EYS: variants seen among roughly 807,000 people sequenced by gnomAD.
EYS encodes EGF-like photoreceptor maintenance factor.
In EYS, 250 loss-of-function variants were observed where a neutral mutation model predicts 282.1. The ratio of observed to expected loss-of-function variants is 0.89; its 90% CI spans 0.80 to 0.98. The LOEUF (loss-of-function observed/expected upper bound fraction) is 0.98, where lower values mean the gene tolerates loss of function less well. Ranked by LOEUF, EYS falls within the 50% of genes least tolerant of loss-of-function variation. The pLI is 0.00. For synonymous variants in EYS, 1,355 were observed against 1,282.9 expected (o/e 1.06, Z -1.20); for missense variants, 4,016 against 3,709.0 (o/e 1.08, Z -2.15).
At chr6:63,804,662 C>T (rs1001877438) in intron 37 of EYS, among the ~76,000 whole-genome samples, 4 of 152,132 alleles carry the variant, frequency 2.6e-5, no homozygotes, top group Admixed American at 6.5e-5. Flanking sequence ...TGGTTGTGTT[C>T]AGAGATGCAG....
intron 12 of EYS, among the ~76,000 whole-genome samples, chr6:65,106,615 T>C (rs1332383501): frequency 2.6e-5 from 4 of 152,060 alleles, no homozygotes; most frequent in African/African-American, 9.7e-5. Flanking sequence ...TCGATCCTAG[T>C]ATAATCATGA....
chr6:64,647,607 A>T (rs925788476), intron 22 of EYS, among the ~76,000 whole-genome samples: 1 of 152,196 alleles, frequency 6.6e-6, no homozygotes, highest in African/African-American at 2.4e-5. Context: ...ATTATGGCTA[A>T]TATTTTTTAT....
chr6:64,494,406 A>G (rs1341765111), intron 26 of EYS, among the ~76,000 whole-genome samples: 1 of 151,696 alleles, frequency 6.6e-6, no homozygotes, highest in Non-Finnish European at 1.5e-5. Flanking sequence ...TTTTCCAGGC[A>G]AAATGTATTG....
intron 34 of EYS, among the ~76,000 whole-genome samples, chr6:63,992,523 G>A (rs1393348932): frequency 6.6e-6 from 1 of 151,636 alleles, no homozygotes; most frequent in African/African-American, 2.4e-5. Flanking sequence ...AGCAATAAAG[G>A]AATAGAGTTT....
intron 2 of EYS, among the ~76,000 whole-genome samples, chr6:65,599,996 C>T (rs558650366): frequency 8.6e-5 from 13 of 152,006 alleles, no homozygotes; most frequent in Non-Finnish European, 1.9e-4. Context: ...GTGTGAGTCT[C>T]TCAGCTTAGA....
At chr6:64,532,236 A>C (rs1024652457) in intron 26 of EYS, among the ~76,000 whole-genome samples, 7 of 152,204 alleles carry the variant, frequency 4.6e-5, no homozygotes, top group Non-Finnish European at 1.0e-4. Flanking sequence ...TATTTAAAAA[A>C]TTGGGATTTT....
At chr6:64,025,826 C>G (rs933395091) in intron 33 of EYS, among the ~76,000 whole-genome samples, 1 of 152,168 alleles carries the variant, frequency 6.6e-6, no homozygotes, top group Non-Finnish European at 1.5e-5. Flanking sequence ...GTATGGCCCT[C>G]CACTTCATTT....
intron 1 of EYS, among the ~76,000 whole-genome samples, chr6:65,692,200 G>A (rs1173566567): frequency 2.0e-5 from 3 of 150,250 alleles, no homozygotes; most frequent in Non-Finnish European, 4.4e-5. Context: ...TCACTTGTAA[G>A]TAAGAACTAA....
chr6:64,155,608 C>A (rs908257515), intron 31 of EYS, among the ~76,000 whole-genome samples: 1 of 152,024 alleles, frequency 6.6e-6, no homozygotes, highest in Non-Finnish European at 1.5e-5. Context: ...ACTAATATAA[C>A]CCTAGGAAGG....
intron 5 of EYS, among the ~76,000 whole-genome samples, chr6:65,452,257 A>T (rs1054841903): frequency 6.6e-6 from 1 of 151,834 alleles, no homozygotes; most frequent in African/African-American, 2.4e-5. Flanking sequence ...TCATTTTTAT[A>T]GAAAACAATG....
rs1353080432 is a variant in EYS, at chr6:65,707,183, C to CTAA, written c.-497_-496insTTA. On this transcript the variant is annotated 5_prime_UTR_variant, in exon 1 of 43. Transcript: ENST00000503581. ...TGCAACCCTAGGAGGCTTCTGATTA[C>CTAA]GGTTAATGTCTGGACATGCCTAGCG... is the stretch of plus-strand genomic sequence containing the variant. The CTAA allele has an allele frequency of 1.3e-5, 2 of 152,040 alleles. No individual in the cohort carries two copies. The highest frequency in any genetic ancestry group is 2.9e-5 in the Non-Finnish European group (2 of 68,008). 9.4% of individuals were successfully genotyped at this position (152,040 alleles called of 1,614,324 possible). A position where few individuals can be genotyped will look rare whatever the true frequency, so the allele number is the denominator to read the frequency against.
At chr6:64,432,462 G>A (rs969605936) in intron 28 of EYS, among the ~76,000 whole-genome samples, 5 of 151,224 alleles carry the variant, frequency 3.3e-5, no homozygotes, top group African/African-American at 1.2e-4. Context: ...ACTTTAAATG[G>A]AAAAAGGCCC....
intron 36 of EYS, among the ~76,000 whole-genome samples, chr6:63,854,176 T>A (rs758466219): frequency 2.6e-5 from 4 of 152,170 alleles, no homozygotes; most frequent in Non-Finnish European, 5.9e-5. Flanking sequence ...GCAGCACTAT[T>A]CACAATAGCA....
chr6:65,601,676 G>A lies in EYS; in HGVS notation c.-333+38102C>T, dbSNP rs796725260. ...TTCTCCATGAAATAAAAATAGAACT[G>A]CTTGTTAATTTTTCTCGAAACACAG... On this transcript the variant is annotated intron_variant, in intron 2 of 42. Transcript: ENST00000503581. 9.9e-5 allele frequency among the ~76,000 whole-genome samples: 15 copies of A among 151,976 alleles called. No homozygotes were observed. In the East Asian group the frequency reaches 1.7e-3, roughly 18 times the overall value.
At chr6:64,599,797 A>G (rs1766705977) in intron 24 of EYS, among the ~76,000 whole-genome samples, 1 of 152,160 alleles carries the variant, frequency 6.6e-6, no homozygotes, top group African/African-American at 2.4e-5. Flanking sequence ...ACTATACTAT[A>G]CTTTTGATAT....
chr6:64,958,734 CAAAAAAAA>C (rs1167094477), intron 14 of EYS, among the ~76,000 whole-genome samples: 62 of 51,670 alleles, frequency 1.2e-3, no homozygotes, highest in African/African-American at 5.1e-3. Flanking sequence ...GACTCCGTCT[CAAAAAAAA>C]AAAAAAAAAA....
chr6:65,116,459 T>C (rs982868606), intron 12 of EYS, among the ~76,000 whole-genome samples: 2 of 152,070 alleles, frequency 1.3e-5, no homozygotes, highest in Non-Finnish European at 2.9e-5. Context: ...TATAAGTGGA[T>C]CACTTAAAGA....
chr6:65,595,592 G>C (rs184827526), intron 2 of EYS, among the ~76,000 whole-genome samples: 1 of 151,444 alleles, frequency 6.6e-6, no homozygotes, highest in Non-Finnish European at 1.5e-5. Flanking sequence ...AATCTAAGGA[G>C]TTAATGCATG....
intron 26 of EYS, among the ~76,000 whole-genome samples, chr6:64,509,234 A>G (rs759619082): frequency 6.6e-6 from 1 of 152,106 alleles, no homozygotes; most frequent in Non-Finnish European, 1.5e-5. Flanking sequence ...AATGTTTTCC[A>G]GGCTGTGTAA....
Sources: gnomAD v4.1 joint callset for allele counts (sites outside exome capture counted in the v4.1 genomes callset) on GRCh38, gnomAD v4.1.1 for gene constraint, MANE v1.5 for transcripts, NCBI Gene and HGNC (gene_info 2026-07-23, HGNC 2026-07-21) for gene names.